Variants in APOB observed in about 807,000 individuals in gnomAD.
APOB encodes the protein apolipoprotein B-100.
In APOB, 153 loss-of-function variants were observed where a neutral mutation model predicts 314.1. The observed-to-expected ratio is 0.49, with a 90% CI of 0.43 to 0.56. APOB has a LOEUF of 0.56. Ranked by LOEUF, APOB falls within the 20% of genes least tolerant of loss-of-function variation. The probability of loss-of-function intolerance (pLI) is 0.00; values close to 1 mark genes in which losing one functional copy is unlikely to be tolerated. For missense variants in APOB, 5,430 were observed against 5,350.7 expected (o/e 1.01, Z -0.46); for synonymous variants, 2,087 against 2,036.4 (o/e 1.02, Z -0.67).
chr2:21,010,645 C>CA lies in APOB; in HGVS notation c.6222dup (p.Glu2075Ter), dbSNP rs769430690. On this transcript the variant is annotated frameshift_variant, in exon 26 of 29. Transcript: ENST00000233242. LOFTEE classifies it high-confidence loss of function. Reference sequence around the variant, plus strand: ...CTCTCAAAATATTCTTGCAAGGTCTCAAAAAATGGGAGGTTAATGGAGTGA... The same window carrying CA: ...CTCTCAAAATATTCTTGCAAGGTCTCAAAAAAATGGGAGGTTAATGGAGTGA... The CA allele has an allele frequency of 6.2e-7, 1 of 1,613,846 alleles. No individual in the cohort carries two copies. Among genetic ancestry groups the CA allele is most frequent in the Non-Finnish European group, 8.5e-7 (1 of 1,179,926 alleles).
chr2:21,029,511 GGAA>G (rs1663824546), intron 12 of APOB, 125 bp downstream of exon 12: 1 of 1,060,116 alleles, frequency 9.4e-7, no homozygotes, highest in South Asian at 1.3e-5. Context: ...AAGGAAGGAA[GGAA>G]GGAAGGAAAG....
intron 21 of APOB, 25 bp downstream of exon 21, chr2:21,016,414 T>A: frequency 7.7e-7 from 1 of 1,295,016 alleles, no homozygotes; most frequent in East Asian, 2.3e-5. Context: ...GCAGTGCAGG[T>A]CAGATGACCC....
At chr2:21,034,353 A>G (rs994085121) in intron 8 of APOB, among the ~76,000 whole-genome samples, 5 of 152,216 alleles carry the variant, frequency 3.3e-5, no homozygotes, top group Non-Finnish European at 5.9e-5. Context: ...CAATGAGGTA[A>G]TGTACAAGAA....
chr2:21,032,368 G>A lies in APOB; in HGVS notation c.1338C>T (p.Ser446=). 6.2e-7 allele frequency: 1 copy of A among 1,613,334 alleles called. No individual in the cohort carries two copies. The highest frequency in any genetic ancestry group is 8.5e-7 in the Non-Finnish European group (1 of 1,179,964). Residue 446 remains serine, a synonymous_variant, in exon 10 of 29, where the codon AGC becomes AGT. Coordinates refer to ENST00000233242, the MANE Select transcript of APOB (RefSeq NM_000384.3). ...QRSRATLYAL[S]HAVNNYHKTN... Reference sequence around the variant, plus strand: ...TGGAAACTCACTTGTTGACCGCGTGGCTCAGCGCATACAAGGTGGCTCGGC... The same window carrying A: ...TGGAAACTCACTTGTTGACCGCGTGACTCAGCGCATACAAGGTGGCTCGGC...
chr2:21,031,436 A>G (rs1431405516), intron 10 of APOB, among the ~76,000 whole-genome samples: 2 of 152,222 alleles, frequency 1.3e-5, no homozygotes, highest in South Asian at 4.1e-4. Context: ...ATGATAGACA[A>G]TTGAGACTCA....
In APOB at chr2:21,039,443, G is replaced by T. The variant is rs12720798; in HGVS notation, c.384-1332C>A. 6.3e-3 allele frequency among the ~76,000 whole-genome samples: 964 copies of T among 152,292 alleles called. 10 individuals carry two copies. Among genetic ancestry groups the T allele is most frequent in the African/African-American group, 0.022 (917 of 41,574 alleles). ...CTTTGGTCTTAGGGATTTCCCACTGGGTACTCTCTGAGTTTCTGAGGACCT... is the reference window on the plus strand; with the variant it reads ...CTTTGGTCTTAGGGATTTCCCACTGTGTACTCTCTGAGTTTCTGAGGACCT... On this transcript the variant is annotated intron_variant, in intron 4 of 28. Transcript: ENST00000233242.
At position 21,008,793 on chromosome 2, in the gene APOB, T is replaced by C. The variant is rs1241145242; in HGVS notation, c.8075A>G (p.Tyr2692Cys). ...GTCCTCCACCTTCAGATCCCTGAGA[T>C]ATATATCTGGAACGGGCCACTGCAG... is the stretch of plus-strand genomic sequence containing the variant. The part of the protein sequence containing the change: ...SELQWPVPDI[Y>C]LRDLKVEDIP... Residue 2692 changes from tyrosine to cysteine, a missense_variant, in exon 26 of 29, where the codon TAT (tyrosine) becomes TGT (cysteine). Tyr to Cys is a radical substitution (Grantham distance 194, BLOSUM62 -2). Coordinates refer to ENST00000233242, the MANE Select transcript of APOB (RefSeq NM_000384.3). The C allele has an allele frequency of 6.2e-7, 1 of 1,614,068 alleles. No individual in the cohort carries two copies. The highest frequency in any genetic ancestry group is 1.7e-5 in the Admixed American group (1 of 60,016).
At position 21,033,302 on chromosome 2, in the gene APOB, G is replaced by T. The variant is rs776311941; in HGVS notation, c.1121C>A (p.Ser374Tyr). The T allele has an allele frequency of 3.1e-6, 5 of 1,611,850 alleles. No homozygotes were observed. Among genetic ancestry groups the T allele is most frequent in the Non-Finnish European group, 4.2e-6 (5 of 1,177,946 alleles). ...TSLLPQLIEV[S>Y]SPITLQALVQ... ...TTGAGCTGTAACCATTAGATACCTG[G>T]ACACCTCAATCAGCTGTGGCAAGAG... The change falls in exon 9 of 29, where the codon TCC (serine) becomes TAC (tyrosine). Residue 374 changes from serine (S) to tyrosine (Y), a missense_variant. Around this residue, in one of 3 missense-constraint regions of APOB, gnomAD observed 2,085 missense variants for 2,079.7 expected, o/e 1.00. Transcript: ENST00000233242.
intron 10 of APOB, among the ~76,000 whole-genome samples, chr2:21,030,625 T>A (rs886384126): frequency 2.6e-5 from 4 of 152,008 alleles, no homozygotes; most frequent in African/African-American, 9.7e-5. Context: ...AAGTAAAAAG[T>A]TTCTGCACAG....
chr2:21,002,910 A>G lies in APOB; in HGVS notation c.12512T>C (p.Val4171Ala), dbSNP rs1242192659. ...AGTAACTCGTACCAAGCCATCAAAC[A>G]CGTTATCCTTGAGTCCCTGGAAACT... ...QASFQGLKDNVFDGLVRVTQE... is the reference protein window; with the variant it reads ...QASFQGLKDNAFDGLVRVTQE... The change falls in exon 29 of 29, where the codon GTG becomes GCG. Residue 4171 changes from valine to alanine, a missense_variant. Physicochemically the swap from Val to Ala is moderately conservative, Grantham distance 64. Coordinates refer to ENST00000233242, the MANE Select transcript of APOB (RefSeq NM_000384.3). 2 of 1,613,600 alleles carry G rather than the reference A, an allele frequency of 1.2e-6. No homozygotes were observed. The highest frequency in any genetic ancestry group is 1.7e-6 in the Non-Finnish European group (2 of 1,179,832).
rs546392030 is a variant in APOB, at chr2:21,009,396, A to G, written c.7472T>C (p.Leu2491Ser). ...AGCCTCCTGTAACCAATTGATGATT[A>G]AGGTTATTTTGGTGTCCTGTAGGCT... ...LESLQDTKIT[L>S]IINWLQEALS... is the part of the protein sequence containing the mutation. The change falls in exon 26 of 29, where the codon TTA becomes TCA. Residue 2491 changes from leucine to serine, a missense_variant. By Grantham distance (145) the Leu-to-Ser change is moderately radical (BLOSUM62 -2). Around this residue, in one of 3 missense-constraint regions of APOB, gnomAD observed 3,281 missense variants for 3,171.0 expected, o/e 1.03. Transcript: ENST00000233242. 1 of 1,614,102 alleles carries G rather than the reference A, an allele frequency of 6.2e-7. No homozygotes were observed. Among genetic ancestry groups the G allele is most frequent in the Admixed American group, 1.7e-5 (1 of 60,012 alleles).
chr2:21,042,494 A>G lies in APOB; in HGVS notation c.122-18T>C. On this transcript the variant is annotated intron_variant, in intron 2 of 28. Coordinates refer to ENST00000233242, the MANE Select transcript of APOB (RefSeq NM_000384.3). ...CGCATCTTCTAACGTGGGGAGAAAT[A>G]CGTCAGCCACATAGCAGAAATAGCT... is the stretch of plus-strand genomic sequence containing the variant. 6.3e-7 allele frequency: 1 copy of G among 1,596,858 alleles called. No individual in the cohort carries two copies. The highest frequency in any genetic ancestry group is 8.6e-7 in the Non-Finnish European group (1 of 1,164,240).
intron 20 of APOB, among the ~76,000 whole-genome samples, chr2:21,017,929 C>G (rs558879847): frequency 6.6e-6 from 1 of 152,316 alleles, no homozygotes; most frequent in East Asian, 1.9e-4. Context: ...GTGCCCCATT[C>G]CCTAAAACCT....
rs1230048219 is a variant in APOB at position 21,038,046 on chromosome 2, G to A, written c.449C>T (p.Pro150Leu). ...CCTCTTGATGTTCAGGATGTAAGTA[G>A]GTTCATCTTTCTCCGGGTAAAGGAA... ...QVFLYPEKDE[P>L]TYILNIKRGI... The change falls in exon 5 of 29, where the codon CCT (proline) becomes CTT (leucine). Residue 150 changes from proline to leucine, a missense_variant. By Grantham distance (98) the Pro-to-Leu change is moderately conservative (BLOSUM62 -3). Transcript: ENST00000233242. 2 of 1,614,180 alleles carry A rather than the reference G, an allele frequency of 1.2e-6. No homozygotes were observed. The highest frequency in any genetic ancestry group is 1.7e-5 in the Admixed American group (1 of 60,024).
Position 21,012,067 on chromosome 2 carries a change from C to T in APOB, c.4801G>A (p.Glu1601Lys). 6.2e-7 allele frequency: 1 copy of T among 1,614,176 alleles called. No individual in the cohort carries two copies. Among genetic ancestry groups the T allele is most frequent in the Non-Finnish European group, 8.5e-7 (1 of 1,180,040 alleles). Residue 1601 changes from glutamate (E) to lysine (K), a missense_variant, in exon 26 of 29, where the codon GAA (glutamate) becomes AAA (lysine). Glu to Lys is a moderately conservative substitution (Grantham distance 56, BLOSUM62 1). Around this residue, in one of 3 missense-constraint regions of APOB, gnomAD observed 2,085 missense variants for 2,079.7 expected, o/e 1.00. Transcript: ENST00000233242. ...AATGACTCGTAATCAGCCTGATATT[C>T]AGAACGCAGCAGTGCATTTTGCTTA... ...FSKQNALLRS[E>K]YQADYESLRF...
Position 21,011,812 on chromosome 2 carries a change from T to C in APOB, c.5056A>G (p.Thr1686Ala). ...GLSGASMKLT[T>A]NGRFREHNAK... Reference sequence around the variant, plus strand: ...TTGTGTTCCCTGAAGCGGCCATTTGTTGTTAATTTCATAGATGCCCCAGAG... The same window carrying C: ...TTGTGTTCCCTGAAGCGGCCATTTGCTGTTAATTTCATAGATGCCCCAGAG... Residue 1686 changes from threonine to alanine, a missense_variant, in exon 26 of 29, where the codon ACA (threonine) becomes GCA (alanine). By Grantham distance (58) the Thr-to-Ala change is moderately conservative (BLOSUM62 0). This residue lies in a region of APOB where 2,085 missense variants were observed against 2,079.7 expected (regional missense o/e 1.00). Transcript: ENST00000233242. 1 of 1,614,150 alleles carries C rather than the reference T, an allele frequency of 6.2e-7. No individual in the cohort carries two copies. The highest frequency in any genetic ancestry group is 8.5e-7 in the Non-Finnish European group (1 of 1,180,016).
intron 20 of APOB, among the ~76,000 whole-genome samples, chr2:21,016,901 A>T (rs12720818): frequency 2.0e-5 from 3 of 151,686 alleles, no homozygotes; most frequent in African/African-American, 7.3e-5. Context: ...GGAGAATGGC[A>T]TGAACCCGGG....
chr2:21,016,405 C>A, intron 21 of APOB, 34 bp downstream of exon 21: 2 of 1,115,376 alleles, frequency 1.8e-6, no homozygotes, highest in South Asian at 2.5e-5. Context: ...CCCAGGCCTG[C>A]AGTGCAGGTC....
intron 20 of APOB, among the ~76,000 whole-genome samples, chr2:21,017,399 T>A (rs1663506794): frequency 6.6e-6 from 1 of 152,070 alleles, no homozygotes; most frequent in Non-Finnish European, 1.5e-5. Flanking sequence ...GATACAAGGA[T>A]AAAAGAAAGG....
Sources: gnomAD v4.1 joint callset for allele counts (sites outside exome capture counted in the v4.1 genomes callset) on GRCh38, gnomAD v4.1.1 for gene constraint, gnomAD v4.1.1 regional missense constraint, MANE v1.5 for transcripts, NCBI Gene and HGNC (gene_info 2026-07-23, HGNC 2026-07-21) for gene names.